Variants in PACRGL observed in about 807,000 individuals in gnomAD.
PACRGL encodes the protein PACRG-like protein.
PACRGL carries 38 observed loss-of-function variants against 34.5 expected under a neutral mutation model. That is an observed-to-expected ratio of 1.10 (90% CI 0.85 to 1.44). The LOEUF (loss-of-function observed/expected upper bound fraction) is 1.44, where lower values mean the gene tolerates loss of function less well. Among genes scored for constraint, PACRGL ranks in the 40% most tolerant of loss-of-function variants. The pLI is 0.00. For synonymous variants in PACRGL, 128 were observed against 100.1 expected (o/e 1.28, Z -1.66); for missense variants, 305 against 281.4 (o/e 1.08, Z -0.60).
At position 20,704,685 on chromosome 4, in the gene PACRGL, A is replaced by T; in HGVS notation, c.78A>T (p.Ser26=). ...ATGNYDQRTS[S]STQLKHRNAV... ...GTAACTATGATCAAAGGACATCATC[A>T]AGCACACAGTTAAAACACAGGAATG... Residue 26 remains serine, a synonymous_variant, in exon 3 of 9, where the codon TCA becomes TCT. Transcript: ENST00000503585. 2 of 1,614,160 alleles carry T rather than the reference A, an allele frequency of 1.2e-6. No individual in the cohort carries two copies.
chr4:20,704,635 C>T, intron 2 of PACRGL, 25 bp from the exon 3 acceptor site: 1 of 1,613,782 alleles, frequency 6.2e-7, no homozygotes, highest in Non-Finnish European at 8.5e-7. Context: ...TACCTGGTTT[C>T]TATTGATGTT....
At chr4:20,745,421 T>G (rs578184418) in intron 8 of PACRGL, among the ~76,000 whole-genome samples, 1 of 152,194 alleles carries the variant, frequency 6.6e-6, no homozygotes, top group Non-Finnish European at 1.5e-5. Context: ...AGGAATGATA[T>G]CTTTTCGTGC....
chr4:20,716,815 G>A lies in PACRGL; in HGVS notation c.609+3276G>A, dbSNP rs184653981. Among the ~76,000 whole-genome samples, 1,146 of 152,276 alleles carry A rather than the reference G, an allele frequency of 7.5e-3. 7 individuals are homozygous for A. The highest frequency in any genetic ancestry group is 0.016 in the South Asian group (78 of 4,822). ...ACATACATGTGCATGTGTCTTTATA[G>A]CAACATGTTTTATAATCCTTTGGGT... On this transcript the variant is annotated intron_variant, in intron 7 of 8. Transcript: ENST00000503585.
In PACRGL at chr4:20,724,695, A is replaced by T. The variant is rs866942072; in HGVS notation, c.610-113A>T. On this transcript the variant is annotated intron_variant, in intron 7 of 8. Coordinates refer to ENST00000503585, the MANE Select transcript of PACRGL (RefSeq NM_001258345.3). ...TGTAAATTTCAATGAGATGCTTCCT[A>T]AAAAAAGCCTTGAAATCTAAAACAA... The T allele has an allele frequency of 5.3e-5, 25 of 472,838 alleles. 1 individual carries two copies. In the Middle Eastern group the frequency reaches 3.0e-3, roughly 57 times the overall value. The allele number at this position is 472,838 out of a possible 1,614,324, so 29.3% of individuals were successfully genotyped here.
intron 8 of PACRGL, among the ~76,000 whole-genome samples, chr4:20,748,233 C>T (rs1752788215): frequency 6.6e-6 from 1 of 152,084 alleles, no homozygotes; most frequent in African/African-American, 2.4e-5. Flanking sequence ...CTTGGCTCTC[C>T]AATTGTGTAT....
downstream of PACRGL, among the ~76,000 whole-genome samples, chr4:20,736,869 C>A (rs1205882148): frequency 1.3e-5 from 2 of 152,092 alleles, no homozygotes; most frequent in Admixed American, 6.5e-5. Flanking sequence ...GAAAGAAAAA[C>A]AAACTTGGAG....
chr4:20,732,652 G>T, downstream of PACRGL: 1 of 1,411,618 alleles, frequency 7.1e-7, no homozygotes, highest in Non-Finnish European at 1.0e-6. Context: ...CTAACTTCAT[G>T]CCCTCTTGAC....
intron 8 of PACRGL, among the ~76,000 whole-genome samples, chr4:20,747,356 T>G (rs1202069798): frequency 6.6e-6 from 1 of 152,212 alleles, no homozygotes; most frequent in Non-Finnish European, 1.5e-5. Context: ...GTGAACTATA[T>G]TAGGTAAAAC....
Position 20,707,790 on chromosome 4 carries a change from T to G in PACRGL, c.208-13T>G. ...AGTATAGGTGATAGTAATATTTTCA[T>G]TTTTTATTTTAGTTTGGTGAACAGT... On this transcript the variant is annotated splice_polypyrimidine_tract_variant and intron_variant, in intron 3 of 8. Transcript: ENST00000503585. 1.2e-6 allele frequency: 2 copies of G among 1,611,178 alleles called. No individual in the cohort carries two copies.
intron 7 of PACRGL, among the ~76,000 whole-genome samples, chr4:20,722,452 C>T (rs772378201): frequency 3.3e-5 from 5 of 152,202 alleles, no homozygotes; most frequent in East Asian, 1.9e-4. Context: ...TCTTCCTATT[C>T]GGCCATCTTG....
Position 20,730,096 on chromosome 4 carries a change from C to CAAAG in PACRGL, c.*2757_*2760dup, listed in dbSNP as rs771966590. 1.2e-6 allele frequency: 2 copies of CAAAG among 1,608,268 alleles called. No homozygotes were observed. The highest frequency in any genetic ancestry group is 1.7e-6 in the Non-Finnish European group (2 of 1,178,030). ...TATTTGACAAGTTAAATCACATTTT[C>CAAAG]AAAGAGCTGCATGGAGCGCATTATG... On this transcript the variant is annotated 3_prime_UTR_variant, in exon 9 of 9. Coordinates refer to ENST00000503585, the MANE Select transcript of PACRGL (RefSeq NM_001258345.3).
At chr4:20,758,772 C>A in the PACRGL span, 1 of 1,422,188 alleles carries the variant, frequency 7.0e-7, no homozygotes, top group Admixed American at 1.8e-5. Flanking sequence ...ACACTGCAAG[C>A]ATAATTGTAA....
At chr4:20,763,858 A>G in the PACRGL span, among the ~76,000 whole-genome samples, 1 of 152,120 alleles carries the variant, frequency 6.6e-6, no homozygotes, top group Non-Finnish European at 1.5e-5. Context: ...CCTCCCACTG[A>G]TGTTGTAACA....
At chr4:20,745,127 C>T (rs981236151) in intron 8 of PACRGL, among the ~76,000 whole-genome samples, 1 of 152,182 alleles carries the variant, frequency 6.6e-6, no homozygotes, top group Non-Finnish European at 1.5e-5. Context: ...GCTTTGGCCT[C>T]TTCTTGCAGC....
intron 7 of PACRGL, among the ~76,000 whole-genome samples, chr4:20,715,533 A>T (rs1363168685): frequency 6.6e-6 from 1 of 151,960 alleles, no homozygotes; most frequent in African/African-American, 2.4e-5. Flanking sequence ...TATTTTTTTT[A>T]AATGGAAAGC....
In PACRGL at chr4:20,727,290, C is replaced by T. The variant is rs770385438; in HGVS notation, c.696C>T (p.Ser232=). 2.5e-6 allele frequency: 4 copies of T among 1,611,400 alleles called. No individual in the cohort carries two copies. In the South Asian group the frequency reaches 4.4e-5, roughly 18 times the overall value. Residue 232 remains serine, a synonymous_variant, in exon 9 of 9, where the codon AGC becomes AGT. Coordinates refer to ENST00000503585, the MANE Select transcript of PACRGL (RefSeq NM_001258345.3). ...CAATTTTTTTCTGTTGACAGGGGAG[C>T]CTTAGCATCATCAAATCTAAAATTC... ...QKLEQHGGSG[S]LSIIKSKIPT...
the PACRGL span, among the ~76,000 whole-genome samples, chr4:20,759,559 A>C: frequency 6.6e-6 from 1 of 152,136 alleles, no homozygotes; most frequent in Non-Finnish European, 1.5e-5. Flanking sequence ...TGATCTTGGG[A>C]ACTACACCCA....
chr4:20,734,839 A>C (rs2149274698), downstream of PACRGL: 1 of 568,562 alleles, frequency 1.8e-6, no homozygotes, highest in Non-Finnish European at 3.0e-6. Flanking sequence ...GATCTTGAAC[A>C]TTTAGCAAAA....
At chr4:20,760,229 A>G in the PACRGL span, among the ~76,000 whole-genome samples, 4 of 152,130 alleles carry the variant, frequency 2.6e-5, no homozygotes, top group South Asian at 4.2e-4. Flanking sequence ...TAGTTGTCAC[A>G]GCACTCCCAC....
Sources: gnomAD v4.1 joint callset for allele counts (sites outside exome capture counted in the v4.1 genomes callset) on GRCh38, gnomAD v4.1.1 for gene constraint, MANE v1.5 for transcripts, NCBI Gene and HGNC (gene_info 2026-07-23, HGNC 2026-07-21) for gene names.